Variants in ASB6 observed in about 807,000 individuals in gnomAD.
The protein encoded by ASB6 is ankyrin repeat and SOCS box protein 6.
A neutral mutation model predicts 28.6 loss-of-function variants in ASB6; 24 were observed. That is an observed-to-expected ratio of 0.84 (90% CI 0.61 to 1.18). The LOEUF is 1.18. ASB6 is among the 50% of genes most tolerant of loss of function. ASB6 has a pLI of 0.00. For missense variants in ASB6, 519 were observed against 559.8 expected, an observed-to-expected ratio of 0.93 and a Z score of 0.74; for synonymous variants, 267 against 243.4, an observed-to-expected ratio of 1.10 and a Z score of -0.90.
chr9:129,636,272 T>G lies in ASB6; in HGVS notation c.*1518A>C, dbSNP rs1465378063. ...CAGGCGTGATGGCGGGCGCCTGTAG[T>G]CCCAGCTACTCAGGAGGCTGAGGCA... On this transcript the variant is annotated 3_prime_UTR_variant, in exon 6 of 6. Transcript: ENST00000277458. 2 of 150,598 alleles carry G rather than the reference T, an allele frequency of 1.3e-5. No individual in the cohort carries two copies. The highest frequency in any genetic ancestry group is 2.9e-5 in the Non-Finnish European group (2 of 67,884). The allele number at this position is 150,598 out of a possible 1,614,324, so 9.3% of individuals were successfully genotyped here.
In ASB6 at chr9:129,640,794, G is replaced by C. The variant is rs891154121; in HGVS notation, c.114-72C>G. The C allele has an allele frequency of 1.9e-6, 3 of 1,562,934 alleles. No individual in the cohort carries two copies. In the African/African-American group the frequency reaches 4.1e-5, roughly 21 times the overall value. On this transcript the variant is annotated intron_variant, in intron 1 of 5. Coordinates refer to ENST00000277458, the MANE Select transcript of ASB6 (RefSeq NM_017873.4). The stretch of plus-strand genomic sequence containing the variant: ...TGACCGCGCAGCCTGTGGGTTGGTG[G>C]GCTTTAGTCCTGCTATCATCATCAG...
In ASB6 at chr9:129,638,568, C is replaced by T. The variant is rs572015845; in HGVS notation, c.598+5G>A. On this transcript the variant is annotated splice_donor_5th_base_variant and intron_variant, in intron 5 of 5. Transcript: ENST00000277458. ...GGACGAGGCCTAGGAGCGCGCCAGCCTCACCTCCTTCCAGTAAGAGACGAA... is the reference window on the plus strand; with the variant it reads ...GGACGAGGCCTAGGAGCGCGCCAGCTTCACCTCCTTCCAGTAAGAGACGAA... 3.7e-6 allele frequency: 6 copies of T among 1,613,948 alleles called. No homozygotes were observed. In the South Asian group the frequency reaches 6.6e-5, roughly 18 times the overall value.
At chr9:129,641,764 G>A (rs756105880) in intron 1 of ASB6, 123 bp downstream of exon 1, 68 of 1,075,304 alleles carry the variant, frequency 6.3e-5, no homozygotes, top group Non-Finnish European at 8.3e-5. Flanking sequence ...ACGCAACCCC[G>A]GCTTCCGCCC....
rs370196393 is a variant in ASB6 at position 129,639,479 on chromosome 9, T to C, written c.325A>G (p.Ile109Val). The change falls in exon 3 of 6, where the codon ATC (isoleucine) becomes GTC (valine). Residue 109 changes from isoleucine (I) to valine (V), a missense_variant. By Grantham distance (29) the Ile-to-Val change is conservative. Transcript: ENST00000277458. ...DPVTYYTALH[I>V]AVLRNQPDMV... ...TCCGGCTGGTTCCGCAGGACGGCGA[T>C]GTGCAAGGCCGTGTAGTAGGTGACT... The C allele has an allele frequency of 2.1e-5, 34 of 1,613,748 alleles. No homozygotes were observed. In the African/African-American group the frequency reaches 2.5e-4, roughly 12 times the overall value.
intron 1 of ASB6, chr9:129,641,088 C>T (rs772562141): frequency 7.4e-5 from 18 of 242,484 alleles, no homozygotes; most frequent in Non-Finnish European, 1.2e-4. Context: ...CTCAGAAAGC[C>T]CTTCCATCCT....
chr9:129,641,815 G>A (rs1831709316), intron 1 of ASB6, 72 bp downstream of exon 1: 14 of 1,433,698 alleles, frequency 9.8e-6, no homozygotes, highest in South Asian at 2.6e-5. Context: ...ACCCCGCCCG[G>A]CTTGTGGTGA....
In ASB6 at chr9:129,635,302, C is replaced by G. The variant is rs1192117176; in HGVS notation, c.*2488G>C. The stretch of plus-strand genomic sequence containing the variant: ...TCATCGTCATCAAAGACAACATGGC[C>G]CAGGAGGGCGTGATTCTGGACGACG... On this transcript the variant is annotated 3_prime_UTR_variant, in exon 6 of 6. Transcript: ENST00000277458. 5 of 1,613,800 alleles carry G rather than the reference C, an allele frequency of 3.1e-6. No individual in the cohort carries two copies. The highest frequency in any genetic ancestry group is 4.2e-6 in the Non-Finnish European group (5 of 1,180,038).
At position 129,640,615 on chromosome 9, in the gene ASB6, A is replaced by T; in HGVS notation, c.221T>A (p.Leu74His). The T allele has an allele frequency of 1.2e-6, 2 of 1,613,986 alleles. No homozygotes were observed. Among genetic ancestry groups the T allele is most frequent in the Non-Finnish European group, 1.7e-6 (2 of 1,179,972 alleles). ...CGTCAGCCCCAGCTCAGCCATCTTG[A>T]GCAGGGCGTTGCTCACGCCTTCCTG... ...FYQEGVSNALLKMAELGLTRA... is the reference protein window; with the variant it reads ...FYQEGVSNALHKMAELGLTRA... The change falls in exon 2 of 6, where the codon CTC becomes CAC. Residue 74 changes from leucine (L) to histidine (H), a missense_variant. Coordinates refer to ENST00000277458, the MANE Select transcript of ASB6 (RefSeq NM_017873.4).
At chr9:129,640,287 G>A (rs1348217107) in intron 2 of ASB6, among the ~76,000 whole-genome samples, 1 of 152,250 alleles carries the variant, frequency 6.6e-6, no homozygotes, top group South Asian at 2.1e-4. Flanking sequence ...GGGAGCTGGG[G>A]AAAGTTTGCT....
In ASB6 at chr9:129,635,696, G is replaced by A. The variant is rs1040233761; in HGVS notation, c.*2094C>T. The A allele has an allele frequency of 5.3e-5, 28 of 532,786 alleles. No homozygotes were observed. Among genetic ancestry groups the A allele is most frequent in the East Asian group, 3.6e-4 (11 of 30,560 alleles). The allele number at this position is 532,786 out of a possible 1,614,324, so 33.0% of individuals were successfully genotyped here. A position where few individuals can be genotyped will look rare whatever the true frequency, so the allele number is the denominator to read the frequency against. On this transcript the variant is annotated 3_prime_UTR_variant, in exon 6 of 6. Transcript: ENST00000277458. ...AGGAGCCCAGACCCTGCTCTCCTGC[G>A]AGATGGGATTGGGTGGAAGGGGCTC...
At chr9:129,638,688 C>T (rs1197849176) in intron 4 of ASB6, 29 bp from the exon 5 acceptor site, 4 of 1,589,910 alleles carry the variant, frequency 2.5e-6, no homozygotes, top group Non-Finnish European at 2.6e-6. Context: ...CAAGGAGGAG[C>T]AGGAGGCCAG....
In ASB6 at chr9:129,640,433, G is replaced by A. The variant is rs190022593; in HGVS notation, c.295+108C>T. ...GCAGCCACCCAGGAAATAAAGGGGG[G>A]GAAGTCACTCCTCAGAGGATGGTAG... On this transcript the variant is annotated intron_variant, in intron 2 of 5. Coordinates refer to ENST00000277458, the MANE Select transcript of ASB6 (RefSeq NM_017873.4). The A allele has an allele frequency of 6.2e-5, 87 of 1,402,724 alleles. No individual in the cohort carries two copies. The East Asian group carries it at 2.2e-3, about 35-fold the overall frequency. The allele number at this position is 1,402,724 out of a possible 1,614,324, so 86.9% of individuals were successfully genotyped here.
In ASB6 at chr9:129,637,944, T is replaced by C. The variant is rs776652325; in HGVS notation, c.1112A>G (p.Tyr371Cys). The change falls in exon 6 of 6, where the codon TAT (tyrosine) becomes TGT (cysteine). Residue 371 changes from tyrosine (Y) to cysteine (C), a missense_variant. Coordinates refer to ENST00000277458, the MANE Select transcript of ASB6 (RefSeq NM_017873.4). ...LHFSLRQLES[Y>C]PPPLKHLCRV... ...GCACAGGTGCTTGAGGGGCGGGGGA[T>C]AGCTCTCCAGCTGCCTCAAGGAGAA... 3 of 1,595,686 alleles carry C rather than the reference T, an allele frequency of 1.9e-6. No homozygotes were observed. Among genetic ancestry groups the C allele is most frequent in the Admixed American group, 1.7e-5 (1 of 58,480 alleles).
chr9:129,638,761 G>A (rs937082442), intron 4 of ASB6, 102 bp from the exon 5 acceptor site: 1 of 951,224 alleles, frequency 1.1e-6, no homozygotes, highest in Non-Finnish European at 1.6e-6. Context: ...AGGATCAGAA[G>A]ATGAACTTTC....
At position 129,640,576 on chromosome 9, in the gene ASB6, ACGT is replaced by A; in HGVS notation, c.257_259del (p.Asp86del). 6.2e-7 allele frequency: 1 copy of A among 1,612,216 alleles called. No homozygotes were observed. Among genetic ancestry groups the A allele is most frequent in the Non-Finnish European group, 8.5e-7 (1 of 1,179,586 alleles). ...GAGATTGGCCCCATGCCGCAAGAGA[ACGT>A]CGGCCGCCCGCGTCAGCCCCAGCTC... On this transcript the variant is annotated inframe_deletion, in exon 2 of 6. Coordinates refer to ENST00000277458, the MANE Select transcript of ASB6 (RefSeq NM_017873.4).
Position 129,638,038 on chromosome 9 carries a change from G to A in ASB6, c.1018C>T (p.Leu340Phe). 1 of 1,614,202 alleles carries A rather than the reference G, an allele frequency of 6.2e-7. No homozygotes were observed. The change falls in exon 6 of 6, where the codon CTC (leucine) becomes TTC (phenylalanine). Residue 340 changes from leucine to phenylalanine, a missense_variant. Transcript: ENST00000277458. ...LDLMVTNSQKLQLPENFDIHP... is the reference protein window; with the variant it reads ...LDLMVTNSQKFQLPENFDIHP... ...ATATCGAAGTTTTCGGGCAGCTGGAGTTTCTGAGAGTTGGTCACCATGAGA... is the reference window on the plus strand; with the variant it reads ...ATATCGAAGTTTTCGGGCAGCTGGAATTTCTGAGAGTTGGTCACCATGAGA...
At chr9:129,639,641 G>A in intron 2 of ASB6, 133 bp from the exon 3 acceptor site, 1 of 784,446 alleles carries the variant, frequency 1.3e-6, no homozygotes, top group East Asian at 2.7e-5. Context: ...TCACCATCAA[G>A]GGTTAGGACA....
In ASB6 at chr9:129,641,887, C is replaced by T. The variant is rs1338942066; in HGVS notation, c.113G>A (p.Arg38Gln). The T allele has an allele frequency of 4.4e-6, 7 of 1,588,146 alleles. No homozygotes were observed. The highest frequency in any genetic ancestry group is 6.0e-6 in the Non-Finnish European group (7 of 1,167,876). ...CAGCTCACGGGAGGGGGTGAGTTAC[C>T]GGTCCAGAGACTCCTGCCGCTCGGG... ...QDPERQESLD[R>Q]PSYVASEESR... The change falls in exon 1 of 6, where the codon CGG (arginine) becomes CAG (glutamine). Residue 38 changes from arginine (R) to glutamine (Q), a missense_variant and splice_region_variant. Coordinates refer to ENST00000277458, the MANE Select transcript of ASB6 (RefSeq NM_017873.4).
chr9:129,640,411 G>A (rs991380999), intron 2 of ASB6, 130 bp downstream of exon 2: 3 of 1,306,980 alleles, frequency 2.3e-6, no homozygotes, highest in South Asian at 1.7e-5. Flanking sequence ...CTTAGTTGCA[G>A]CCACCCAGGA....
Sources: gnomAD v4.1 joint callset for allele counts (sites outside exome capture counted in the v4.1 genomes callset) on GRCh38, gnomAD v4.1.1 for gene constraint, MANE v1.5 for transcripts, NCBI Gene and HGNC (gene_info 2026-07-23, HGNC 2026-07-21) for gene names.